Variants in FRMD4B observed in about 807,000 individuals in gnomAD.
FRMD4B encodes FERM domain-containing protein 4B.
Under a neutral mutation model 141.5 loss-of-function variants are expected in FRMD4B, and 74 were observed. The ratio of observed to expected loss-of-function variants is 0.52; its 90% CI spans 0.43 to 0.63. The LOEUF (loss-of-function observed/expected upper bound fraction) is 0.63. FRMD4B is among the 30% of genes least tolerant of loss of function. FRMD4B has a pLI of 0.00. For synonymous variants in FRMD4B, 506 were observed against 467.9 expected, an observed-to-expected ratio of 1.08 and a Z score of -1.05; for missense variants, 1,366 against 1,253.4, an observed-to-expected ratio of 1.09 and a Z score of -1.36.
At chr3:69,477,478 T>A (rs1213889250) in intron 1 of FRMD4B, among the ~76,000 whole-genome samples, 1 of 151,640 alleles carries the variant, frequency 6.6e-6, no homozygotes, top group African/African-American at 2.4e-5. Flanking sequence ...GTTTTTGTCT[T>A]TGGTTCTGTT....
chr3:69,498,436 G>A (rs1279445059), intron 1 of FRMD4B, among the ~76,000 whole-genome samples: 1 of 152,178 alleles, frequency 6.6e-6, no homozygotes, highest in Non-Finnish European at 1.5e-5. Flanking sequence ...ACGTGTGTGT[G>A]CATGAGAGAG....
At chr3:69,493,233 G>A (rs1359014218) in intron 1 of FRMD4B, among the ~76,000 whole-genome samples, 1 of 152,146 alleles carries the variant, frequency 6.6e-6, no homozygotes, top group African/African-American at 2.4e-5. Flanking sequence ...AGAGGGGAGA[G>A]TAGAGTACAG....
At chr3:69,463,172 A>G (rs1211362538) in intron 1 of FRMD4B, among the ~76,000 whole-genome samples, 1 of 152,102 alleles carries the variant, frequency 6.6e-6, no homozygotes, top group African/African-American at 2.4e-5. Context: ...GTTTCCTTAG[A>G]CCCCTCACCA....
At chr3:69,392,609 A>G (rs1553735655) in intron 2 of FRMD4B, among the ~76,000 whole-genome samples, 1 of 152,150 alleles carries the variant, frequency 6.6e-6, no homozygotes, top group Non-Finnish European at 1.5e-5. Flanking sequence ...CTACATAACT[A>G]AGCTGAAGGA....
At chr3:69,403,135 G>T (rs759753919) in intron 2 of FRMD4B, among the ~76,000 whole-genome samples, 3 of 152,154 alleles carry the variant, frequency 2.0e-5, no homozygotes, top group Admixed American at 6.5e-5. Flanking sequence ...TCATTTGTAA[G>T]AACTGCCTGG....
chr3:69,443,633 C>G (rs571419368), intron 1 of FRMD4B, among the ~76,000 whole-genome samples: 1 of 152,288 alleles, frequency 6.6e-6, no homozygotes, highest in African/African-American at 2.4e-5. Context: ...AAAATTATGA[C>G]AGTAAGAGAA....
At chr3:69,377,298 A>T (rs184677901) in intron 1 of FRMD4B, among the ~76,000 whole-genome samples, 1 of 152,308 alleles carries the variant, frequency 6.6e-6, no homozygotes, top group Non-Finnish European at 1.5e-5. Flanking sequence ...AATCACTACT[A>T]TAATGGTAAG....
intron 1 of FRMD4B, among the ~76,000 whole-genome samples, chr3:69,341,995 C>T (rs1242834540): frequency 6.6e-6 from 1 of 152,174 alleles, no homozygotes; most frequent in African/African-American, 2.4e-5. Context: ...AGTTTCTCAC[C>T]ATTTCTCTGA....
chr3:69,178,228 A>G (rs6787362), intron 21 of FRMD4B, among the ~76,000 whole-genome samples: 14,083 of 152,182 alleles, frequency 0.093, 746 homozygotes, highest in Middle Eastern at 0.17. Flanking sequence ...CATACACACA[A>G]AGTGCCTGTG....
intron 5 of FRMD4B, among the ~76,000 whole-genome samples, chr3:69,272,719 A>G (rs1240772237): frequency 6.6e-6 from 1 of 152,226 alleles, no homozygotes; most frequent in Non-Finnish European, 1.5e-5. Flanking sequence ...ACATGGAATA[A>G]TTCCAGGACA....
chr3:69,459,639 T>C lies in FRMD4B; in HGVS notation c.-128-26878A>G, dbSNP rs541460956. On this transcript the variant is annotated intron_variant, in intron 1 of 5. Transcript: ENST00000459638. Reference sequence around the variant, plus strand: ...GAAATCTTGGCTTCACCATTAGCCATGTGACCTTGGGCAAAACAATGAACC... The same window carrying C: ...GAAATCTTGGCTTCACCATTAGCCACGTGACCTTGGGCAAAACAATGAACC... Among the ~76,000 whole-genome samples the C allele has an allele frequency of 1.5e-4, 23 of 152,346 alleles. No homozygotes were observed. The East Asian group carries it at 4.2e-3, about 28-fold the overall frequency.
chr3:69,288,788 G>A (rs979836491), intron 4 of FRMD4B, among the ~76,000 whole-genome samples: 3 of 152,222 alleles, frequency 2.0e-5, no homozygotes, highest in African/African-American at 7.2e-5. Context: ...AGATCAGTGA[G>A]AGTGAAGGTA....
chr3:69,528,267 T>C (rs1332378672), intron 1 of FRMD4B, among the ~76,000 whole-genome samples: 1 of 145,560 alleles, frequency 6.9e-6, no homozygotes, highest in African/African-American at 2.5e-5. Flanking sequence ...CCTTCCTTCC[T>C]TCCTACCTTC....
At chr3:69,314,598 G>T (rs950968914) in intron 1 of FRMD4B, among the ~76,000 whole-genome samples, 2 of 151,820 alleles carry the variant, frequency 1.3e-5, no homozygotes, top group African/African-American at 2.4e-5. Flanking sequence ...CTTTGGGGGG[G>T]CCAATCAGGG....
intron 11 of FRMD4B, among the ~76,000 whole-genome samples, chr3:69,203,882 C>T (rs1322029522): frequency 6.6e-6 from 1 of 152,200 alleles, no homozygotes; most frequent in African/African-American, 2.4e-5. Flanking sequence ...AAAAACTGCT[C>T]TCTGGATCCC....
chr3:69,250,306 T>TGTGC (rs1013630839), intron 5 of FRMD4B: 5 of 297,868 alleles, frequency 1.7e-5, no homozygotes, highest in Non-Finnish European at 2.9e-5. Flanking sequence ...TGTGTGTGTG[T>TGTGC]GTGTGTGTGT....
chr3:69,176,460 T>G (rs1444991311), intron 22 of FRMD4B, 64 bp downstream of exon 22: 14 of 1,400,548 alleles, frequency 1.0e-5, no homozygotes, highest in Non-Finnish European at 1.4e-5. Flanking sequence ...GTTTGTAAAT[T>G]AGGATCCCTG....
chr3:69,499,439 G>A (rs573778135), intron 1 of FRMD4B, among the ~76,000 whole-genome samples: 2 of 152,284 alleles, frequency 1.3e-5, no homozygotes, highest in African/African-American at 4.8e-5. Flanking sequence ...AGAGAAATGG[G>A]TGAATTTGGG....
chr3:69,461,636 A>G (rs1253264560), intron 1 of FRMD4B, among the ~76,000 whole-genome samples: 1 of 148,812 alleles, frequency 6.7e-6, no homozygotes, highest in Non-Finnish European at 1.5e-5. Context: ...AAAAAAAAAA[A>G]AAAAAAAAAA....
Sources: allele counts gnomAD v4.1 joint callset (sites outside exome capture counted in the v4.1 genomes callset), GRCh38; gene constraint gnomAD v4.1.1; transcripts MANE v1.5; gene names NCBI Gene and HGNC (gene_info 2026-07-23, HGNC 2026-07-21).